The following ZC3H12B variants were observed in gnomAD, a reference collection of about 807,000 sequenced individuals.
The protein encoded by ZC3H12B is probable ribonuclease ZC3H12B.
A neutral mutation model predicts 43.9 loss-of-function variants in ZC3H12B; 7 were observed. That is an observed-to-expected ratio of 0.16 (90% CI 0.09 to 0.30). The LOEUF (loss-of-function observed/expected upper bound fraction) is 0.30. Among genes scored for constraint, ZC3H12B ranks in the 10% least tolerant of loss-of-function variants. The pLI is 1.00. For synonymous variants in ZC3H12B, 222 were observed against 241.7 expected (o/e 0.92, Z 0.76); for missense variants, 475 against 670.2 (o/e 0.71, Z 3.22).
the ZC3H12B span, among the ~76,000 whole-genome samples, chrX:65,322,634 G>A: frequency 9.0e-5 from 10 of 111,549 alleles, no homozygotes; most frequent in African/African-American, 1.3e-4. Flanking sequence ...ATGTTGTTTC[G>A]ATTACTGTAT....
the ZC3H12B span, among the ~76,000 whole-genome samples, chrX:65,058,699 C>T: frequency 2.7e-5 from 3 of 111,993 alleles, no homozygotes; most frequent in Admixed American, 1.9e-4. Context: ...TCAGGCAGAC[C>T]TCCTTCAGCT....
chrX:65,231,227 G>A, the ZC3H12B span, among the ~76,000 whole-genome samples: 11 of 110,589 alleles, frequency 9.9e-5, no homozygotes, highest in African/African-American at 3.6e-4. Flanking sequence ...ATAGGGAGTG[G>A]GTCACAGAGA....
the ZC3H12B span, among the ~76,000 whole-genome samples, chrX:65,233,371 C>CA: frequency 1.8e-5 from 2 of 110,624 alleles, no homozygotes; most frequent in Admixed American, 9.7e-5. Flanking sequence ...TTAAGTAATT[C>CA]AAAAAAATTG....
At chrX:65,101,667 T>A in the ZC3H12B span, among the ~76,000 whole-genome samples, 1 of 111,584 alleles carries the variant, frequency 9.0e-6, no homozygotes, top group Non-Finnish European at 1.9e-5. Context: ...CCTGGACACA[T>A]ACACCCTCCC....
chrX:65,050,501 G>A, the ZC3H12B span, among the ~76,000 whole-genome samples: 1 of 111,052 alleles, frequency 9.0e-6, no homozygotes, highest in African/African-American at 3.3e-5. Context: ...AAAGCTTTCA[G>A]TTTTTTATCA....
chrX:65,279,334 T>C, the ZC3H12B span, among the ~76,000 whole-genome samples: 1 of 105,637 alleles, frequency 9.5e-6, no homozygotes, highest in Non-Finnish European at 1.9e-5. Flanking sequence ...ACAATAGCCA[T>C]TCTGAGTGTT....
the ZC3H12B span, among the ~76,000 whole-genome samples, chrX:65,248,334 C>T: frequency 6.3e-5 from 7 of 111,425 alleles, no homozygotes; most frequent in African/African-American, 2.3e-4. Context: ...CAAGCCAGAA[C>T]ATTTTTTAGA....
the ZC3H12B span, among the ~76,000 whole-genome samples, chrX:65,249,586 G>T: frequency 9.0e-6 from 1 of 111,303 alleles, no homozygotes; most frequent in African/African-American, 3.3e-5. Context: ...TTCTAAGTCT[G>T]TGAAGAATGA....
the ZC3H12B span, among the ~76,000 whole-genome samples, chrX:65,135,104 A>T: frequency 9.0e-6 from 1 of 111,448 alleles, no homozygotes; most frequent in Non-Finnish European, 1.9e-5. Flanking sequence ...AATATATATA[A>T]TGAAGTATAT....
chrX:65,322,715 G>A, the ZC3H12B span, among the ~76,000 whole-genome samples: 4 of 111,219 alleles, frequency 3.6e-5, no homozygotes, highest in East Asian at 8.4e-4. Context: ...GATTGCTTTG[G>A]CTATTTAGGG....
At chrX:65,233,052 G>A in the ZC3H12B span, among the ~76,000 whole-genome samples, 1 of 111,988 alleles carries the variant, frequency 8.9e-6, no homozygotes, top group Non-Finnish European at 1.9e-5. Flanking sequence ...TATAACAATT[G>A]TAAATATTTA....
intron 3 of ZC3H12B, among the ~76,000 whole-genome samples, chrX:65,437,134 G>T: frequency 9.1e-6 from 1 of 110,119 alleles, no homozygotes; most frequent in Middle Eastern, 4.6e-3. Context: ...TGTATTTTTA[G>T]TAGAGACAGG....
chrX:65,264,307 A>G, the ZC3H12B span, among the ~76,000 whole-genome samples: 7 of 111,918 alleles, frequency 6.3e-5, no homozygotes, highest in Non-Finnish European at 1.3e-4. Context: ...AAAGCTATTG[A>G]AGCAAAAAAA....
the ZC3H12B span, among the ~76,000 whole-genome samples, chrX:65,225,709 C>T: frequency 8.9e-5 from 10 of 111,840 alleles, no homozygotes; most frequent in African/African-American, 3.2e-4. Flanking sequence ...AGCCAAGGCT[C>T]GAGAACTACA....
the ZC3H12B span, among the ~76,000 whole-genome samples, chrX:65,274,732 C>A: frequency 1.8e-5 from 2 of 110,791 alleles, no homozygotes; most frequent in African/African-American, 3.3e-5. Context: ...GCACCCTCCC[C>A]ACTCAGACAC....
intron 3 of ZC3H12B, among the ~76,000 whole-genome samples, chrX:65,426,749 G>T (rs1362140683): frequency 8.9e-6 from 1 of 111,865 alleles, no homozygotes; most frequent in Non-Finnish European, 1.9e-5. Flanking sequence ...TCAGTAGAAG[G>T]TTGATCAATT....
the ZC3H12B span, among the ~76,000 whole-genome samples, chrX:65,321,988 A>G: frequency 9.0e-6 from 1 of 111,368 alleles, no homozygotes; most frequent in African/African-American, 3.3e-5. Context: ...ACAAACTTCC[A>G]TGACATGCTA....
the ZC3H12B span, among the ~76,000 whole-genome samples, chrX:65,235,533 G>T: frequency 9.0e-6 from 1 of 110,972 alleles, no homozygotes; most frequent in Non-Finnish European, 1.9e-5. Context: ...AGGGCCTGCT[G>T]GGCTCACTTT....
chrX:65,501,850 C>T, exon 5 of ZC3H12B: 1 of 1,202,176 alleles, frequency 8.3e-7, no homozygotes, highest in Non-Finnish European at 1.1e-6. Context: ...CCAACCAACC[C>T]CAGCGTTCGG....
Sources: gnomAD v4.1 joint callset for allele counts (sites outside exome capture counted in the v4.1 genomes callset) on GRCh38, gnomAD v4.1.1 for gene constraint, MANE v1.5 for transcripts, NCBI Gene and HGNC (gene_info 2026-07-23, HGNC 2026-07-21) for gene names.